SPIRE1: variants seen among roughly 807,000 people sequenced by gnomAD.
SPIRE1 encodes protein spire homolog 1.
In SPIRE1, 40 loss-of-function variants were observed where a neutral mutation model predicts 94.1. The ratio of observed to expected loss-of-function variants is 0.43; its 90% confidence interval spans 0.33 to 0.55. The LOEUF is 0.55. Ranked by LOEUF, SPIRE1 falls within the 20% of genes least tolerant of loss-of-function variation. SPIRE1 has a pLI of 0.06. For missense variants in SPIRE1, 838 were observed against 975.2 expected (o/e 0.86, Z 1.87); for synonymous variants, 376 against 371.7 (o/e 1.01, Z -0.13).
Position 12,657,565 on chromosome 18 carries a change from G to A in SPIRE1, c.302C>T (p.Ala101Val). 1 of 1,236,586 alleles carries A rather than the reference G, an allele frequency of 8.1e-7. No homozygotes were observed. Among genetic ancestry groups the A allele is most frequent in the Non-Finnish European group, 1.0e-6 (1 of 990,596 alleles). The allele number at this position is 1,236,586 out of a possible 1,614,324, so 76.6% of individuals were successfully genotyped here. A position where few individuals can be genotyped will look rare whatever the true frequency, so the allele number is the denominator to read the frequency against. ...WRDGAVTLAP[A>V]ADDAGEPPPV... ...GGGCGGCTCTCCCGCGTCGTCGGCC[G>A]CGGGCGCCAGGGTGACGGCGCCGTC... Residue 101 changes from alanine (A) to valine (V), a missense_variant, in exon 1 of 17, where the codon GCG becomes GTG. Ala to Val is a moderately conservative substitution (Grantham distance 64). Transcript: ENST00000409402.
chr18:12,619,609 G>A (rs1041961097), intron 2 of SPIRE1, among the ~76,000 whole-genome samples: 2 of 152,120 alleles, frequency 1.3e-5, no homozygotes, highest in Admixed American at 6.6e-5. Context: ...AGCACTTTGG[G>A]AGGCCGAGGT....
intron 2 of SPIRE1, among the ~76,000 whole-genome samples, chr18:12,629,085 A>G (rs2037707972): frequency 6.6e-6 from 1 of 152,244 alleles, no homozygotes; most frequent in Non-Finnish European, 1.5e-5. Context: ...ACTTTATATA[A>G]TACTTTAACC....
chr18:12,461,428 GTA>G (rs575357934), intron 12 of SPIRE1, among the ~76,000 whole-genome samples: 63 of 134,038 alleles, frequency 4.7e-4, no homozygotes, highest in African/African-American at 1.3e-3. Flanking sequence ...GTGTGTGTGT[GTA>G]TGTATGTATA....
chr18:12,624,308 T>G (rs949559033), intron 2 of SPIRE1, among the ~76,000 whole-genome samples: 1 of 151,620 alleles, frequency 6.6e-6, no homozygotes, highest in African/African-American at 2.4e-5. Flanking sequence ...TTTGGGAGGC[T>G]GAGGCGGGTG....
chr18:12,654,001 T>C (rs2038454830), intron 1 of SPIRE1, among the ~76,000 whole-genome samples: 1 of 151,188 alleles, frequency 6.6e-6, no homozygotes, highest in Non-Finnish European at 1.5e-5. Flanking sequence ...AACATAAACG[T>C]TGCAGATTGC....
rs1289829304 is a variant in SPIRE1, at chr18:12,447,118, G to A, written c.*2520C>T. On this transcript the variant is annotated 3_prime_UTR_variant, in exon 17 of 17. Coordinates refer to ENST00000409402, the MANE Select transcript of SPIRE1 (RefSeq NM_001128626.2). ...AGAGGGAAGCACAGGTTTCCCAATA[G>A]TGTGACTTCATGACGTATGGGACAA... 6.6e-6 allele frequency: 1 copy of A among 152,226 alleles called. No homozygotes were observed. The highest frequency in any genetic ancestry group is 6.5e-5 in the Admixed American group (1 of 15,284). 9.4% of individuals were successfully genotyped at this position (152,226 alleles called of 1,614,324 possible).
In SPIRE1 at chr18:12,657,476, G is replaced by A. The variant is rs2038582630; in HGVS notation, c.337+54C>T. On this transcript the variant is annotated intron_variant, in intron 1 of 16. Coordinates refer to ENST00000409402, the MANE Select transcript of SPIRE1 (RefSeq NM_001128626.2). Reference sequence around the variant, plus strand: ...GGCCGGGGACGCTGAGGGTAAGGCGGCCCAGCCGCGGGTGTTCCAAGAACT... The same window carrying A: ...GGCCGGGGACGCTGAGGGTAAGGCGACCCAGCCGCGGGTGTTCCAAGAACT... The A allele has an allele frequency of 1.3e-5, 16 of 1,204,016 alleles. No individual in the cohort carries two copies. The South Asian group carries it at 4.5e-4, about 34-fold the overall frequency. The allele number at this position is 1,204,016 out of a possible 1,614,324, so 74.6% of individuals were successfully genotyped here.
intron 3 of SPIRE1, among the ~76,000 whole-genome samples, chr18:12,539,393 G>A (rs889883184): frequency 2.0e-5 from 3 of 152,016 alleles, no homozygotes; most frequent in African/African-American, 4.8e-5. Context: ...CTTGACTTCC[G>A]CCATGATTGT....
intron 4 of SPIRE1, among the ~76,000 whole-genome samples, chr18:12,530,685 G>A (rs2034656007): frequency 6.6e-6 from 1 of 152,116 alleles, no homozygotes; most frequent in Non-Finnish European, 1.5e-5. Flanking sequence ...GAAGTTACAT[G>A]AATAATGAAT....
intron 6 of SPIRE1, among the ~76,000 whole-genome samples, chr18:12,505,552 CAAA>C (rs57390189): frequency 8.9e-6 from 1 of 112,804 alleles, no homozygotes; most frequent in Non-Finnish European, 1.8e-5. Flanking sequence ...GACCCTGTCT[CAAA>C]AAAAAAAAAA....
chr18:12,572,999 A>C (rs2035996356), intron 2 of SPIRE1, among the ~76,000 whole-genome samples: 1 of 152,234 alleles, frequency 6.6e-6, no homozygotes, highest in Non-Finnish European at 1.5e-5. Flanking sequence ...AACCCATGAA[A>C]GAAGAATTGA....
At chr18:12,556,067 T>C (rs996153439) in intron 2 of SPIRE1, among the ~76,000 whole-genome samples, 2 of 152,046 alleles carry the variant, frequency 1.3e-5, no homozygotes, top group African/African-American at 2.4e-5. Context: ...TAATCCCATT[T>C]ACAATAGCTA....
chr18:12,552,574 C>T (rs923346589), intron 2 of SPIRE1, among the ~76,000 whole-genome samples: 2 of 152,224 alleles, frequency 1.3e-5, no homozygotes, highest in Admixed American at 1.3e-4. Context: ...GACAGCCCGG[C>T]ACCACACCCT....
intron 3 of SPIRE1, among the ~76,000 whole-genome samples, chr18:12,544,198 C>CTT (rs915186954): frequency 6.9e-6 from 1 of 145,426 alleles, no homozygotes; most frequent in African/African-American, 2.5e-5. Context: ...TTCTTTCTTT[C>CTT]TTTTTTTTTT....
At chr18:12,497,030 T>C (rs527258225) in intron 6 of SPIRE1, among the ~76,000 whole-genome samples, 41 of 152,198 alleles carry the variant, frequency 2.7e-4, no homozygotes, top group African/African-American at 9.9e-4. Flanking sequence ...ATCACGCTAC[T>C]GCACTCCAGC....
chr18:12,487,738 C>G (rs769085196), intron 8 of SPIRE1, among the ~76,000 whole-genome samples: 6 of 152,132 alleles, frequency 3.9e-5, no homozygotes, highest in Non-Finnish European at 8.8e-5. Context: ...TGTTGAAGCA[C>G]TCTGCTTTTA....
chr18:12,561,933 T>G (rs1237006395), intron 2 of SPIRE1, among the ~76,000 whole-genome samples: 1 of 152,252 alleles, frequency 6.6e-6, no homozygotes, highest in African/African-American at 2.4e-5. Context: ...TTCTGAGCTT[T>G]TTGAATTACA....
In SPIRE1 at chr18:12,452,277, G is replaced by A. The variant is rs750960664; in HGVS notation, c.1990C>T (p.Arg664Trp). Residue 664 changes from arginine (R) to tryptophan (W), a missense_variant, in exon 16 of 17, where the codon CGG (arginine) becomes TGG (tryptophan). Physicochemically the swap from Arg to Trp is moderately radical, Grantham distance 101. This residue lies in a region of SPIRE1 where 645 missense variants were observed against 804.7 expected (regional missense o/e 0.80). Transcript: ENST00000409402. The stretch of plus-strand genomic sequence containing the variant: ...CACCTGGCAATGCTCCGAAGTGGCC[G>A]ATGATGGGCAGTGGAGGGTTTTTCT... ...RSEKPSTAHH[R>W]PLRSIARFSS... The A allele has an allele frequency of 7.4e-6, 12 of 1,613,922 alleles. No homozygotes were observed. The highest frequency in any genetic ancestry group is 1.3e-5 in the African/African-American group (1 of 74,892).
chr18:12,605,781 G>C (rs1235193780), intron 2 of SPIRE1, among the ~76,000 whole-genome samples: 3 of 152,148 alleles, frequency 2.0e-5, no homozygotes, highest in African/African-American at 2.4e-5. Flanking sequence ...ATCTGTATTA[G>C]AGTACTACTA....
Sources: allele counts gnomAD v4.1 joint callset (sites outside exome capture counted in the v4.1 genomes callset), GRCh38; gene constraint gnomAD v4.1.1; regional missense constraint gnomAD v4.1.1; transcripts MANE v1.5; gene names NCBI Gene and HGNC (gene_info 2026-07-23, HGNC 2026-07-21).